NRG1: variants seen among roughly 807,000 people sequenced by gnomAD.
NRG1 encodes the protein neuregulin 1.
In NRG1, 18 loss-of-function variants were observed where a neutral mutation model predicts 63.8. The ratio of observed to expected loss-of-function variants is 0.28; its 90% CI spans 0.19 to 0.42. NRG1 has a LOEUF of 0.42. NRG1 is among the 10% of genes least tolerant of loss of function. The pLI, the probability that NRG1 is intolerant of heterozygous loss-of-function variation, is 1.00. For missense variants in NRG1, 762 were observed against 814.7 expected, an observed-to-expected ratio of 0.94 and a Z score of 0.79; for synonymous variants, 302 against 301.3, an observed-to-expected ratio of 1.00 and a Z score of -0.02.
intron 1 of NRG1, among the ~76,000 whole-genome samples, chr8:31,873,065 A>C (rs1829625034): frequency 1.3e-5 from 2 of 152,170 alleles, no homozygotes; most frequent in South Asian, 4.1e-4. Flanking sequence ...CATACTTCTT[A>C]TTAATCCTAA....
At chr8:31,660,238 T>C (rs143850708) in intron 1 of NRG1, among the ~76,000 whole-genome samples, 11 of 152,288 alleles carry the variant, frequency 7.2e-5, no homozygotes, top group African/African-American at 2.6e-4. Flanking sequence ...TGATTGCTGT[T>C]CTGTGGGATA....
intron 1 of NRG1, among the ~76,000 whole-genome samples, chr8:32,337,361 G>C (rs181435532): frequency 2.6e-5 from 4 of 152,198 alleles, no homozygotes; most frequent in Admixed American, 6.5e-5. Flanking sequence ...TGGGGTAGCA[G>C]AGAGGAACAC....
At chr8:31,806,479 A>G (rs1201115455) in intron 1 of NRG1, among the ~76,000 whole-genome samples, 2 of 152,142 alleles carry the variant, frequency 1.3e-5, no homozygotes, top group Non-Finnish European at 2.9e-5. Flanking sequence ...TTCCATTACA[A>G]TGTGAAATTA....
intron 1 of NRG1, among the ~76,000 whole-genome samples, chr8:32,075,946 T>C (rs934311839): frequency 6.6e-6 from 1 of 152,222 alleles, no homozygotes; most frequent in Non-Finnish European, 1.5e-5. Flanking sequence ...GTGCTGGGAT[T>C]ACAGGCATGA....
chr8:32,757,148 TA>T (rs1349780241), intron 9 of NRG1, among the ~76,000 whole-genome samples: 3 of 152,202 alleles, frequency 2.0e-5, no homozygotes, highest in African/African-American at 7.2e-5. Context: ...ATCATTAAAA[TA>T]TTTTTTTCAT....
At chr8:32,593,854 C>CAAA (rs11444147) in intron 1 of NRG1, among the ~76,000 whole-genome samples, 17 of 97,050 alleles carry the variant, frequency 1.8e-4, no homozygotes, top group South Asian at 7.1e-4. Flanking sequence ...TTCAAGGTGT[C>CAAA]AAAAAAAAAA....
At chr8:32,467,868 G>A (rs1823271668) in intron 1 of NRG1, among the ~76,000 whole-genome samples, 1 of 152,112 alleles carries the variant, frequency 6.6e-6, no homozygotes, top group South Asian at 2.1e-4. Context: ...CAGCTTTTCA[G>A]GACTGTTGAT....
intron 1 of NRG1, among the ~76,000 whole-genome samples, chr8:32,415,561 C>A (rs1484943923): frequency 6.6e-6 from 1 of 151,944 alleles, no homozygotes; most frequent in Non-Finnish European, 1.5e-5. Context: ...AGGAAGCAGT[C>A]AGCCTCATGT....
chr8:31,944,354 A>G (rs1209409631), intron 1 of NRG1, among the ~76,000 whole-genome samples: 1 of 152,204 alleles, frequency 6.6e-6, no homozygotes, highest in African/African-American at 2.4e-5. Context: ...CATATGGAAT[A>G]CATACTATTA....
chr8:32,043,937 T>C (rs1375115301), intron 1 of NRG1, among the ~76,000 whole-genome samples: 1 of 151,838 alleles, frequency 6.6e-6, no homozygotes, highest in Non-Finnish European at 1.5e-5. Flanking sequence ...AATGGTAGAC[T>C]TAAATCCAAG....
chr8:32,693,998 G>A (rs1179598395), intron 5 of NRG1, among the ~76,000 whole-genome samples: 1 of 152,116 alleles, frequency 6.6e-6, no homozygotes, highest in Admixed American at 6.5e-5. Flanking sequence ...GCCTTCCCCT[G>A]GACTTTAATT....
At chr8:32,760,348 T>A in exon 11 of NRG1, 1 of 1,613,950 alleles carries the variant, frequency 6.2e-7, no homozygotes, top group Non-Finnish European at 8.5e-7. Context: ...ATGTAACAGC[T>A]TCCTCAGGCA....
chr8:32,687,511 A>G (rs1453829393), intron 5 of NRG1, among the ~76,000 whole-genome samples: 1 of 152,194 alleles, frequency 6.6e-6, no homozygotes, highest in Non-Finnish European at 1.5e-5. Context: ...AGGAGGAAGC[A>G]CCATTAGGGA....
intron 1 of NRG1, among the ~76,000 whole-genome samples, chr8:31,962,639 C>T (rs16878573): frequency 1.3e-5 from 2 of 152,076 alleles, no homozygotes; most frequent in African/African-American, 4.8e-5. Context: ...CAAATCCAAT[C>T]CCTTGTCTAG....
At chr8:32,372,761 C>T (rs1809082197) in intron 1 of NRG1, among the ~76,000 whole-genome samples, 1 of 152,192 alleles carries the variant, frequency 6.6e-6, no homozygotes, top group Non-Finnish European at 1.5e-5. Flanking sequence ...TGCCTCCAGA[C>T]AGTGTGGATT....
intron 1 of NRG1, among the ~76,000 whole-genome samples, chr8:32,276,877 T>C (rs1037925831): frequency 2.6e-5 from 4 of 152,202 alleles, no homozygotes; most frequent in African/African-American, 9.7e-5. Flanking sequence ...GCATCTAAGG[T>C]ACTTGCAGGT....
intron 1 of NRG1, among the ~76,000 whole-genome samples, chr8:32,448,474 G>T (rs1280113054): frequency 1.3e-5 from 2 of 152,178 alleles, no homozygotes; most frequent in Non-Finnish European, 2.9e-5. Flanking sequence ...AGCTCCTGGG[G>T]ATTGGAATTA....
intron 1 of NRG1, among the ~76,000 whole-genome samples, chr8:32,173,770 C>T (rs1840360064): frequency 6.6e-6 from 1 of 152,102 alleles, no homozygotes; most frequent in Non-Finnish European, 1.5e-5. Flanking sequence ...GTAAAGGGAT[C>T]AATTCAACAA....
At chr8:32,015,247 G>C (rs1815333574) in intron 1 of NRG1, among the ~76,000 whole-genome samples, 1 of 152,068 alleles carries the variant, frequency 6.6e-6, no homozygotes, top group African/African-American at 2.4e-5. Context: ...AAACTGTGAT[G>C]AAATGGCTAA....
Sources: gnomAD v4.1 joint callset for allele counts (sites outside exome capture counted in the v4.1 genomes callset) on GRCh38, gnomAD v4.1.1 for gene constraint, MANE v1.5 for transcripts, NCBI Gene and HGNC (gene_info 2026-07-23, HGNC 2026-07-21) for gene names.